Variants in PTPRM observed in about 807,000 individuals in gnomAD.
PTPRM encodes receptor-type tyrosine-protein phosphatase mu.
A neutral mutation model predicts 186.7 loss-of-function variants in PTPRM; 47 were observed. The observed-to-expected ratio is 0.25, with a 90% CI of 0.20 to 0.32. The LOEUF (loss-of-function observed/expected upper bound fraction) is 0.32, where lower values mean the gene tolerates loss of function less well. PTPRM is among the 10% of genes least tolerant of loss of function. PTPRM has a pLI of 1.00. For synonymous variants in PTPRM, 668 were observed against 674.9 expected (o/e 0.99, Z 0.16); for missense variants, 1,494 against 1,865.0 (o/e 0.80, Z 3.66).
intron 1 of PTPRM, among the ~76,000 whole-genome samples, chr18:7,676,332 GC>G (rs764342419): frequency 2.6e-5 from 4 of 152,154 alleles, no homozygotes; most frequent in Non-Finnish European, 5.9e-5. Flanking sequence ...AAGTTTGGTG[GC>G]TGGCGATCAG....
intron 19 of PTPRM, among the ~76,000 whole-genome samples, chr18:8,290,465 T>G (rs1011271087): frequency 3.3e-5 from 5 of 152,122 alleles, no homozygotes; most frequent in African/African-American, 1.2e-4. Context: ...TGGAGTAATG[T>G]TCTCTTGAGG....
intron 7 of PTPRM, among the ~76,000 whole-genome samples, chr18:8,027,106 TAAAG>T (rs969576049): frequency 1.3e-5 from 2 of 152,184 alleles, no homozygotes; most frequent in Non-Finnish European, 2.9e-5. Context: ...GTGTATGAAA[TAAAG>T]AGCATTTCCC....
intron 11 of PTPRM, among the ~76,000 whole-genome samples, chr18:8,090,155 A>G (rs1042474372): frequency 6.0e-4 from 92 of 152,280 alleles, no homozygotes; most frequent in African/African-American, 2.2e-3. Context: ...GCACTAATCC[A>G]ATGGACCCAA....
chr18:8,366,841 G>A (rs1831320910), intron 23 of PTPRM: 1 of 152,262 alleles, frequency 6.6e-6, no homozygotes, highest in African/African-American at 2.4e-5. Flanking sequence ...TTCTGGGCTG[G>A]AGGCTGCCGC....
chr18:8,253,172 T>C (rs2094544359), intron 18 of PTPRM, 55 bp from the exon 19 acceptor site: 6 of 1,304,628 alleles, frequency 4.6e-6, no homozygotes, highest in Non-Finnish European at 6.0e-6. Flanking sequence ...TTCTCAGTGA[T>C]GCCGACCTAG....
intron 31 of PTPRM, among the ~76,000 whole-genome samples, chr18:8,393,325 CTA>C (rs1269681865): frequency 1.4e-4 from 22 of 152,316 alleles, no homozygotes; most frequent in African/African-American, 4.6e-4. Flanking sequence ...AAGGGATGGT[CTA>C]CATGTTATAG....
At chr18:8,231,224 G>C (rs1261350222) in intron 14 of PTPRM, among the ~76,000 whole-genome samples, 2 of 152,152 alleles carry the variant, frequency 1.3e-5, no homozygotes, top group African/African-American at 4.8e-5. Context: ...AGAGGGTGGG[G>C]GTAATCAGGC....
At chr18:8,175,671 C>T (rs186177235) in intron 14 of PTPRM, among the ~76,000 whole-genome samples, 3 of 152,242 alleles carry the variant, frequency 2.0e-5, no homozygotes, top group South Asian at 2.1e-4. Context: ...AACTGTAGCT[C>T]GTTATATTCT....
chr18:7,677,036 C>G (rs1489215574), intron 1 of PTPRM, among the ~76,000 whole-genome samples: 1 of 152,060 alleles, frequency 6.6e-6, no homozygotes, highest in Non-Finnish European at 1.5e-5. Flanking sequence ...TTCCTCTGAC[C>G]TTTTTTTAGA....
intron 3 of PTPRM, among the ~76,000 whole-genome samples, chr18:7,897,193 C>G (rs1377354841): frequency 6.6e-6 from 1 of 152,176 alleles, no homozygotes; most frequent in Non-Finnish European, 1.5e-5. Flanking sequence ...TTTTGAATCT[C>G]CGGGAAGGAC....
Position 8,406,399 on chromosome 18 carries a change from C to T in PTPRM, c.*237C>T. 1 of 523,412 alleles carries T rather than the reference C, an allele frequency of 1.9e-6. No individual in the cohort carries two copies. Among genetic ancestry groups the T allele is most frequent in the South Asian group, 2.4e-5 (1 of 42,292 alleles). The allele number at this position is 523,412 out of a possible 1,614,324, so 32.4% of individuals were successfully genotyped here. ...AGTTGCCAAATCCCGTACTCCTTGC[C>T]ACCGGCTTCCTAGAGCAGCGTAGAC... On this transcript the variant is annotated 3_prime_UTR_variant, in exon 33 of 33. Coordinates refer to ENST00000580170, the MANE Select transcript of PTPRM (RefSeq NM_001105244.2).
chr18:7,888,176 T>C lies in PTPRM; in HGVS notation c.267T>C (p.Leu89=). The C allele has an allele frequency of 6.2e-7, 1 of 1,614,148 alleles. No individual in the cohort carries two copies. Among genetic ancestry groups the C allele is most frequent in the African/African-American group, 1.3e-5 (1 of 75,050 alleles). Residue 89 remains leucine, a synonymous_variant, in exon 3 of 33, where the codon CTT becomes CTC. Transcript: ENST00000580170. ...GAGCCCACCTGCTCTTACCCCAACT[T>C]AAAGAAAATGACACCCACTGCATCG... is the stretch of plus-strand genomic sequence containing the variant. ...GQRAHLLLPQ[L]KENDTHCIDF... is the part of the protein sequence containing the mutation.
chr18:8,354,531 G>T (rs2095553478), intron 23 of PTPRM, among the ~76,000 whole-genome samples: 1 of 152,210 alleles, frequency 6.6e-6, no homozygotes, highest in African/African-American at 2.4e-5. Flanking sequence ...AGAATGTACT[G>T]AGTCAGGCAT....
chr18:7,909,740 A>G (rs2050169823), intron 4 of PTPRM, among the ~76,000 whole-genome samples: 1 of 109,716 alleles, frequency 9.1e-6, no homozygotes, highest in African/African-American at 3.3e-5. Flanking sequence ...GGATTCATAT[A>G]GGTTTATGAG....
At chr18:8,057,425 C>CTTTTTTTTTTTTTTTTTTTTTTTGCTTTT (rs763829289) in intron 7 of PTPRM, among the ~76,000 whole-genome samples, 3 of 102,560 alleles carry the variant, frequency 2.9e-5, no homozygotes, top group African/African-American at 4.3e-5. Flanking sequence ...TGTGATACTT[C>CTTTTTTTTTTTTTTTTTTTTTTTGCTTTT]TTTTTTTTTT....
intron 2 of PTPRM, among the ~76,000 whole-genome samples, chr18:7,871,327 G>A (rs547616490): frequency 6.6e-5 from 10 of 152,326 alleles, no homozygotes; most frequent in South Asian, 2.1e-4. Context: ...CAGTTTCTCA[G>A]TGACAGTCCA....
intron 3 of PTPRM, among the ~76,000 whole-genome samples, chr18:7,894,178 C>T (rs1446125766): frequency 2.0e-5 from 3 of 152,150 alleles, no homozygotes; most frequent in Non-Finnish European, 4.4e-5. Context: ...ATGCAAGAGC[C>T]CGTCTGCTTT....
intron 4 of PTPRM, among the ~76,000 whole-genome samples, chr18:7,911,162 T>C (rs2050243439): frequency 2.0e-5 from 3 of 152,244 alleles, no homozygotes; most frequent in Admixed American, 2.0e-4. Context: ...CCACATTTTA[T>C]GTAAGCATGC....
At chr18:7,974,448 T>C (rs555831613) in intron 7 of PTPRM, among the ~76,000 whole-genome samples, 2 of 152,318 alleles carry the variant, frequency 1.3e-5, no homozygotes, top group East Asian at 1.9e-4. Flanking sequence ...AACATAAATA[T>C]TAGGTCAGAC....
Sources: gnomAD v4.1 joint callset for allele counts (sites outside exome capture counted in the v4.1 genomes callset) on GRCh38, gnomAD v4.1.1 for gene constraint, MANE v1.5 for transcripts, NCBI Gene and HGNC (gene_info 2026-07-23, HGNC 2026-07-21) for gene names.